NELFB: variants seen among roughly 807,000 people sequenced by gnomAD.
The protein encoded by NELFB is negative elongation factor B.
NELFB carries 34 observed loss-of-function variants against 60.2 expected under a neutral mutation model. That is an observed-to-expected ratio of 0.56 (90% CI 0.43 to 0.75). The LOEUF (loss-of-function observed/expected upper bound fraction) is 0.75. NELFB is among the 30% of genes least tolerant of loss of function. The probability of loss-of-function intolerance (pLI) is 0.00; values close to 1 mark genes in which losing one functional copy is unlikely to be tolerated. For synonymous variants in NELFB, 459 were observed against 382.1 expected (o/e 1.20, Z -2.35); for missense variants, 770 against 831.6 (o/e 0.93, Z 0.91).
intron 6 of NELFB, among the ~76,000 whole-genome samples, chr9:137,265,387 CTTTTT>C (rs66744887): frequency 1.1e-5 from 1 of 91,832 alleles, no homozygotes; most frequent in Admixed American, 1.7e-4. Flanking sequence ...AAACCTTAAG[CTTTTT>C]TTTTTTTTTT....
intron 4 of NELFB, 38 bp from the exon 5 acceptor site, chr9:137,262,999 A>C (rs747051454): frequency 1.4e-5 from 22 of 1,598,296 alleles, no homozygotes; most frequent in Non-Finnish European, 1.9e-5. Context: ...GGCGGAGCCC[A>C]GGACGGTCTG....
chr9:137,255,682 C>T, intron 1 of NELFB, 71 bp downstream of exon 1: 1 of 1,471,864 alleles, frequency 6.8e-7, no homozygotes, highest in Non-Finnish European at 9.1e-7. Flanking sequence ...TCGGGCCTGG[C>T]GGAGGCGCCG....
chr9:137,273,065 C>T lies in NELFB; in HGVS notation c.*137C>T, dbSNP rs540207626. On this transcript the variant is annotated 3_prime_UTR_variant, in exon 13 of 13. Transcript: ENST00000343053. ...GGCTGGGCCTGTCCTGCCGTCATGG[C>T]CCCCTGCTTCCTGCTCCTTGGAGCT... The T allele has an allele frequency of 1.1e-4, 110 of 965,678 alleles. 1 individual carries two copies. Among genetic ancestry groups the T allele is most frequent in the Middle Eastern group, 6.8e-4 (2 of 2,924 alleles). The allele number at this position is 965,678 out of a possible 1,614,324, so 59.8% of individuals were successfully genotyped here. A position where few individuals can be genotyped will look rare whatever the true frequency, so the allele number is the denominator to read the frequency against.
chr9:137,263,569 A>G (rs1588187289), intron 5 of NELFB, among the ~76,000 whole-genome samples: 1 of 144,660 alleles, frequency 6.9e-6, no homozygotes, highest in East Asian at 2.0e-4. Flanking sequence ...GCCCGGGACC[A>G]CCTGGGCGCC....
chr9:137,273,425 T>G lies in NELFB; in HGVS notation c.*497T>G, dbSNP rs8281. 105,871 of 154,010 alleles carry G rather than the reference T, an allele frequency of 0.69. 37,068 individuals carry two copies. Among genetic ancestry groups the G allele is most frequent in the Admixed American group, 0.77 (11,894 of 15,366 alleles). 9.5% of individuals were successfully genotyped at this position (154,010 alleles called of 1,614,324 possible). ...GGAGCCACCTCACCCTGCAGCCCAG[T>G]TTGCAGGTGTGGCCTTGTTTCTCCT... On this transcript the variant is annotated 3_prime_UTR_variant, in exon 13 of 13. Transcript: ENST00000343053.
intron 6 of NELFB, among the ~76,000 whole-genome samples, chr9:137,265,271 A>T (rs983220083): frequency 6.6e-6 from 1 of 151,616 alleles, no homozygotes; most frequent in African/African-American, 2.4e-5. Context: ...TCAGCATCCC[A>T]AAGTGCTGGG....
chr9:137,267,085 A>C lies in NELFB; in HGVS notation c.1381A>C (p.Lys461Gln). ...AAACACACTTCCCGAAAGCTTCACT[A>C]AGTACGGGCTGTAGGGCCATGGTGC... The change falls in exon 9 of 13, where the codon AAG becomes CAG. Residue 461 changes from lysine (K) to glutamine (Q), a missense_variant and splice_region_variant. Transcript: ENST00000343053. 7 of 1,613,950 alleles carry C rather than the reference A, an allele frequency of 4.3e-6. No homozygotes were observed. Among genetic ancestry groups the C allele is most frequent in the Non-Finnish European group, 5.1e-6 (6 of 1,179,992 alleles).
chr9:137,256,922 C>T lies in NELFB; in HGVS notation c.609C>T (p.Ala203=), dbSNP rs764015345. Residue 203 remains alanine, a synonymous_variant, in exon 4 of 13, where the codon GCC becomes GCT. Transcript: ENST00000343053. ...GGCAGATCTGGCAAGACAACCAGGC[C>T]CTCTTCGGGGACGAGGTTTCCCCAC... 3.7e-6 allele frequency: 6 copies of T among 1,614,066 alleles called. No homozygotes were observed. The African/African-American group carries it at 5.3e-5, about 14-fold the overall frequency.
At chr9:137,262,860 A>G (rs539846084) in intron 4 of NELFB, among the ~76,000 whole-genome samples, 177 bp from the exon 5 acceptor site, 94 of 152,362 alleles carry the variant, frequency 6.2e-4, no homozygotes, top group Admixed American at 2.7e-3. Flanking sequence ...TAAAAATAAC[A>G]GAACCTGCTA....
chr9:137,263,263 G>A (rs1322351407), intron 5 of NELFB, 41 bp downstream of exon 5: 1 of 1,548,620 alleles, frequency 6.5e-7, no homozygotes, highest in Non-Finnish European at 8.7e-7. Context: ...CCTCCTGAAG[G>A]TAGTGCTGCC....
Position 137,269,346 on chromosome 9 carries a change from TGGAGGCTCAG to T in NELFB, c.1489+2009_1489+2018del, listed in dbSNP as rs549086321. Among the ~76,000 whole-genome samples, 59 of 152,290 alleles carry T rather than the reference TGGAGGCTCAG, an allele frequency of 3.9e-4. 1 individual carries two copies. Among genetic ancestry groups the T allele is most frequent in the Admixed American group, 1.8e-3 (28 of 15,296 alleles). ...CGGGTGCCAACACTGCCGCTCCTTC[TGGAGGCTCAG>T]GGAGGCTCTTGAGGGCATTGGGACA... is the stretch of plus-strand genomic sequence containing the variant. On this transcript the variant is annotated intron_variant, in intron 10 of 12. Coordinates refer to ENST00000343053, the MANE Select transcript of NELFB (RefSeq NM_015456.5). The surrounding 1 kb of genome is among the most constrained non-coding windows in gnomAD (Gnocchi z 5.3).
intron 4 of NELFB, among the ~76,000 whole-genome samples, chr9:137,262,100 T>TG (rs1482061587): frequency 6.6e-5 from 10 of 152,090 alleles, no homozygotes; most frequent in African/African-American, 2.4e-4. Context: ...GTGTACAGGA[T>TG]GGAACATGAA....
chr9:137,256,688 G>T, intron 3 of NELFB, 136 bp from the exon 4 acceptor site: 1 of 821,950 alleles, frequency 1.2e-6, no homozygotes. Flanking sequence ...GCTGGGGCCG[G>T]GGAACCAGTC....
Position 137,272,770 on chromosome 9 carries a change from G to A in NELFB, c.1741-12G>A. 1 of 1,539,480 alleles carries A rather than the reference G, an allele frequency of 6.5e-7. No individual in the cohort carries two copies. Among genetic ancestry groups the A allele is most frequent in the Non-Finnish European group, 8.8e-7 (1 of 1,139,780 alleles). ...ATGCGCCTCGCCTGCCCCATGGTGT[G>A]GTTCCCCGCAGAGCGGAGAGGCAGT... On this transcript the variant is annotated splice_polypyrimidine_tract_variant and intron_variant, in intron 12 of 12. Coordinates refer to ENST00000343053, the MANE Select transcript of NELFB (RefSeq NM_015456.5).
intron 4 of NELFB, among the ~76,000 whole-genome samples, chr9:137,260,362 T>A: frequency 6.6e-6 from 1 of 150,740 alleles, no homozygotes; most frequent in East Asian, 1.9e-4. Context: ...TTTATTTTAT[T>A]ATTTTTTTTA....
In NELFB at chr9:137,261,996, G is replaced by GA. The variant is rs1830452827; in HGVS notation, c.742-1040dup. Among the ~76,000 whole-genome samples the GA allele has an allele frequency of 3.6e-5, 4 of 110,662 alleles. No homozygotes were observed. The Admixed American group carries it at 3.9e-4, about 11-fold the overall frequency. 72.6% of individuals were successfully genotyped at this position (110,662 alleles called of 152,430 possible). Reference sequence around the variant, plus strand: ...AGCCTAGGCAGAGAGAGAGAGAGAGGAGAGAGAGAAACAGCTTACGCCGTT... The same window carrying GA: ...AGCCTAGGCAGAGAGAGAGAGAGAGGAAGAGAGAGAAACAGCTTACGCCGTT... On this transcript the variant is annotated intron_variant, in intron 4 of 12. Transcript: ENST00000343053.
In NELFB at chr9:137,266,128, T is replaced by C. The variant is rs1830514984; in HGVS notation, c.1143+149T>C. The C allele has an allele frequency of 1.2e-5, 9 of 774,806 alleles. No homozygotes were observed. In the East Asian group the frequency reaches 2.4e-4, roughly 21 times the overall value. The allele number at this position is 774,806 out of a possible 1,614,324, so 48.0% of individuals were successfully genotyped here. A position where few individuals can be genotyped will look rare whatever the true frequency, so the allele number is the denominator to read the frequency against. On this transcript the variant is annotated intron_variant, in intron 7 of 12. Transcript: ENST00000343053. ...TGCTGGCTGCTCTGGTGGTCGGGGATGTGGACTGCAGTGGCCCAGGTAGAG... is the reference window on the plus strand; with the variant it reads ...TGCTGGCTGCTCTGGTGGTCGGGGACGTGGACTGCAGTGGCCCAGGTAGAG...
chr9:137,262,401 C>T (rs1011679750), intron 4 of NELFB, among the ~76,000 whole-genome samples: 1 of 152,206 alleles, frequency 6.6e-6, no homozygotes, highest in Non-Finnish European at 1.5e-5. Context: ...TGGCCCTGTC[C>T]AGGCATAACA....
chr9:137,270,045 A>G (rs768598550), intron 10 of NELFB, among the ~76,000 whole-genome samples: 67 of 152,286 alleles, frequency 4.4e-4, no homozygotes, highest in Non-Finnish European at 7.5e-4. Context: ...AGGACCCAGC[A>G]CCATCTCCAA....
Sources: gnomAD v4.1 joint callset for allele counts (sites outside exome capture counted in the v4.1 genomes callset) on GRCh38, gnomAD v4.1.1 for gene constraint, Gnocchi (gnomAD v3.1) non-coding constraint, MANE v1.5 for transcripts, NCBI Gene and HGNC (gene_info 2026-07-23, HGNC 2026-07-21) for gene names.